ATP4B: variants seen among roughly 807,000 people sequenced by gnomAD.
ATP4B encodes the protein potassium-transporting ATPase subunit beta.
In ATP4B, 27 loss-of-function variants were observed where a neutral mutation model predicts 35.3. The observed-to-expected ratio is 0.76, with a 90% CI of 0.56 to 1.05. The LOEUF (loss-of-function observed/expected upper bound fraction) is 1.05. ATP4B is among the 50% of genes least tolerant of loss of function. The pLI, the probability that ATP4B is intolerant of heterozygous loss-of-function variation, is 0.00. For synonymous variants in ATP4B, 162 were observed against 156.0 expected (o/e 1.04, Z -0.29); for missense variants, 375 against 384.8 (o/e 0.97, Z 0.21).
At chr13:113,654,443 A>G (rs1594563423) in intron 2 of ATP4B, among the ~76,000 whole-genome samples, 2 of 152,252 alleles carry the variant, frequency 1.3e-5, no homozygotes. Flanking sequence ...GCGTCCTTGC[A>G]GAAACATTCC....
intron 1 of ATP4B, among the ~76,000 whole-genome samples, chr13:113,657,299 C>G (rs180919171): frequency 1.3e-5 from 2 of 152,200 alleles, no homozygotes; most frequent in Admixed American, 1.3e-4. Flanking sequence ...AGCCGCATCC[C>G]GACGCCCAGG....
intron 2 of ATP4B, 90 bp from the exon 3 acceptor site, chr13:113,653,524 C>CGGTG: frequency 1.7e-6 from 2 of 1,185,644 alleles, no homozygotes; most frequent in Non-Finnish European, 2.5e-6. Context: ...ACGCCAGAGG[C>CGGTG]GGTGGCCCAA....
Position 113,653,459 on chromosome 13 carries a change from A to G in ATP4B, c.242-25T>C, listed in dbSNP as rs771565671. The G allele has an allele frequency of 3.8e-6, 6 of 1,595,430 alleles. No homozygotes were observed. The African/African-American group carries it at 8.1e-5, about 21-fold the overall frequency. Reference sequence around the variant, plus strand: ...CCTGGAGAGAGAGACCTTTGTGCTTAGCGTCTCCAAATGCTCACCACATTT... The same window carrying G: ...CCTGGAGAGAGAGACCTTTGTGCTTGGCGTCTCCAAATGCTCACCACATTT... On this transcript the variant is annotated intron_variant, in intron 2 of 6. Coordinates refer to ENST00000335288, the MANE Select transcript of ATP4B (RefSeq NM_000705.4).
intron 2 of ATP4B, 118 bp downstream of exon 2, chr13:113,654,696 G>C: frequency 6.9e-7 from 1 of 1,443,666 alleles, no homozygotes. Flanking sequence ...GGGCTGCCGG[G>C]CTGGCTTCCC....
chr13:113,653,234 CA>C, intron 3 of ATP4B, 86 bp downstream of exon 3: 2 of 1,359,472 alleles, frequency 1.5e-6, no homozygotes, highest in Non-Finnish European at 1.0e-6. Context: ...ACACCTCACC[CA>C]CCCGCCGCTT....
Position 113,651,685 on chromosome 13 carries a change from C to T in ATP4B, c.598G>A (p.Asp200Asn), listed in dbSNP as rs1466167200. ...LPSNGSAPRVDCAFLDQPREL... is the reference protein window; with the variant it reads ...LPSNGSAPRVNCAFLDQPREL... ...GCCGTACTCACCAGGAAGGCGCAGT[C>T]CACTCTGGGGGCCGAGCCGTTGCTG... The change falls in exon 5 of 7, where the codon GAC becomes AAC. Residue 200 changes from aspartate (D) to asparagine (N), a missense_variant. Physicochemically the swap from Asp to Asn is conservative, Grantham distance 23. Coordinates refer to ENST00000335288, the MANE Select transcript of ATP4B (RefSeq NM_000705.4). 1 of 1,613,350 alleles carries T rather than the reference C, an allele frequency of 6.2e-7. No individual in the cohort carries two copies. The highest frequency in any genetic ancestry group is 8.5e-7 in the Non-Finnish European group (1 of 1,179,748).
chr13:113,658,027 A>C lies in ATP4B; in HGVS notation c.112+6T>G. ...TGCACCCAGCCGGCCCGCCCCCCGCACGTACCCCACCGGGACAGGGTGCGG... is the reference window on the plus strand; with the variant it reads ...TGCACCCAGCCGGCCCGCCCCCCGCCCGTACCCCACCGGGACAGGGTGCGG... On this transcript the variant is annotated splice_donor_region_variant and intron_variant, in intron 1 of 6. Coordinates refer to ENST00000335288, the MANE Select transcript of ATP4B (RefSeq NM_000705.4). 6.3e-7 allele frequency: 1 copy of C among 1,593,882 alleles called. No homozygotes were observed. Among genetic ancestry groups the C allele is most frequent in the Non-Finnish European group, 8.5e-7 (1 of 1,172,260 alleles).
In ATP4B at chr13:113,649,121, C is replaced by A; in HGVS notation, c.*253G>T. ...ATTAGAGAGTTGCTGCCTTGCGTTC[C>A]CATGGTAGCTGGACATTCTTATAGC... On this transcript the variant is annotated 3_prime_UTR_variant, in exon 7 of 7. Coordinates refer to ENST00000335288, the MANE Select transcript of ATP4B (RefSeq NM_000705.4). The surrounding 1 kb of genome is among the most constrained non-coding windows in gnomAD (Gnocchi z 4.7). 3.0e-6 allele frequency: 1 copy of A among 332,100 alleles called. No individual in the cohort carries two copies. Among genetic ancestry groups the A allele is most frequent in the Non-Finnish European group, 5.5e-6 (1 of 180,502 alleles). The allele number at this position is 332,100 out of a possible 1,614,324, so 20.6% of individuals were successfully genotyped here.
chr13:113,654,842 C>T lies in ATP4B; in HGVS notation c.213G>A (p.Pro71=), dbSNP rs759675895. The change falls in exon 2 of 7, where the codon CCG becomes CCA. Residue 71 remains proline, a synonymous_variant. Transcript: ENST00000335288. ...VLMQTVDPYT[P]DYQDQLRSPG... ...GTGACCGTAGCTGGTCTTGGTAGTC[C>T]GGTGTGTACGGGTCCACTGTCTGCA... 1.9e-5 allele frequency: 31 copies of T among 1,613,992 alleles called. No individual in the cohort carries two copies. Among genetic ancestry groups the T allele is most frequent in the Middle Eastern group, 1.6e-4 (1 of 6,062 alleles).
At chr13:113,657,458 T>C (rs983997046) in intron 1 of ATP4B, among the ~76,000 whole-genome samples, 6 of 152,190 alleles carry the variant, frequency 3.9e-5, no homozygotes, top group Non-Finnish European at 7.4e-5. Context: ...GGCATCTGCT[T>C]TCCTCCCAGG....
At chr13:113,656,137 G>A (rs1475048737) in intron 1 of ATP4B, among the ~76,000 whole-genome samples, 1 of 152,308 alleles carries the variant, frequency 6.6e-6, no homozygotes, top group East Asian at 1.9e-4. Context: ...GGGGCCCGCA[G>A]TGGTGGAGGG....
At chr13:113,656,481 G>A (rs1411828152) in intron 1 of ATP4B, among the ~76,000 whole-genome samples, 2 of 152,166 alleles carry the variant, frequency 1.3e-5, no homozygotes, top group East Asian at 1.9e-4. Flanking sequence ...GCCCAGGCTC[G>A]GGAGGGCCAT....
At chr13:113,654,422 C>A (rs545714949) in intron 2 of ATP4B, among the ~76,000 whole-genome samples, 1 of 152,208 alleles carries the variant, frequency 6.6e-6, no homozygotes, top group Non-Finnish European at 1.5e-5. Flanking sequence ...TCCTTGGAAA[C>A]TGTTTCCTGT....
rs1291981158 is a variant in ATP4B at position 113,649,920 on chromosome 13, T to C, written c.715-385A>G. ...GCTCATGCCTGTAATCCTAGCACTT[T>C]GGGAGCCTGAGGCAGGCTGATTGCT... On this transcript the variant is annotated intron_variant, in intron 6 of 6. Coordinates refer to ENST00000335288, the MANE Select transcript of ATP4B (RefSeq NM_000705.4). This position sits in a 1 kb window ranked among gnomAD's most constrained non-coding sequence, Gnocchi z 4.7. 1.3e-5 allele frequency among the ~76,000 whole-genome samples: 2 copies of C among 152,266 alleles called. No homozygotes were observed. Among genetic ancestry groups the C allele is most frequent in the East Asian group, 1.9e-4 (1 of 5,180 alleles).
Position 113,650,583 on chromosome 13 carries a change from G to C in ATP4B, c.613-76C>G. ...GTGTCTGTGTGTTGCGTTTGTGTGC[G>C]TGTGTGCACACACGCGCTGTGTAGG... On this transcript the variant is annotated intron_variant, in intron 5 of 6. Transcript: ENST00000335288. This position sits in a 1 kb window ranked among gnomAD's most constrained non-coding sequence, Gnocchi z 5.0. 8.6e-7 allele frequency: 1 copy of C among 1,168,288 alleles called. No homozygotes were observed. The highest frequency in any genetic ancestry group is 1.2e-6 in the Non-Finnish European group (1 of 810,604). The allele number at this position is 1,168,288 out of a possible 1,614,324, so 72.4% of individuals were successfully genotyped here.
rs570827420 is a variant in ATP4B at position 113,650,298 on chromosome 13, A to T, written c.714+108T>A. The T allele has an allele frequency of 3.6e-5, 39 of 1,092,568 alleles. No individual in the cohort carries two copies. In the East Asian group the frequency reaches 1.0e-3, roughly 28 times the overall value. 67.7% of individuals were successfully genotyped at this position (1,092,568 alleles called of 1,614,324 possible). ...CGTTCCAGTCAGGACCGGCTAAGTC[A>T]CACCTTTGTTTCATTTTTCTACATG... On this transcript the variant is annotated intron_variant, in intron 6 of 6. Transcript: ENST00000335288. This position sits in a 1 kb window ranked among gnomAD's most constrained non-coding sequence, Gnocchi z 5.0.
In ATP4B at chr13:113,655,376, A is replaced by T. The variant is rs192793319; in HGVS notation, c.113-434T>A. On this transcript the variant is annotated intron_variant, in intron 1 of 6. Coordinates refer to ENST00000335288, the MANE Select transcript of ATP4B (RefSeq NM_000705.4). ...TCCTGCCCATGGTGACCCATAGTGCAGCCTGGAAGTGCATGGCCGGTCCTG... is the reference window on the plus strand; with the variant it reads ...TCCTGCCCATGGTGACCCATAGTGCTGCCTGGAAGTGCATGGCCGGTCCTG... 2.0e-5 allele frequency among the ~76,000 whole-genome samples: 3 copies of T among 152,358 alleles called. No individual in the cohort carries two copies. In the East Asian group the frequency reaches 5.8e-4, roughly 29 times the overall value.
At position 113,650,598 on chromosome 13, in the gene ATP4B, C is replaced by T. The variant is rs543481796; in HGVS notation, c.613-91G>A. On this transcript the variant is annotated intron_variant, in intron 5 of 6. Transcript: ENST00000335288. This position sits in a 1 kb window ranked among gnomAD's most constrained non-coding sequence, Gnocchi z 5.0. ...GTTTGTGTGCGTGTGTGCACACACG[C>T]GCTGTGTAGGTGCTTGCATAAACAC... 8.0e-5 allele frequency: 78 copies of T among 975,930 alleles called. No individual in the cohort carries two copies. Among genetic ancestry groups the T allele is most frequent in the South Asian group, 4.5e-4 (29 of 64,562 alleles). 60.5% of individuals were successfully genotyped at this position (975,930 alleles called of 1,614,324 possible).
intron 1 of ATP4B, among the ~76,000 whole-genome samples, chr13:113,657,262 C>T (rs764533775): frequency 8.5e-5 from 13 of 152,298 alleles, no homozygotes; most frequent in South Asian, 2.1e-4. Flanking sequence ...CCCTGGGAGC[C>T]GGGGACGGCA....
Sources: allele counts gnomAD v4.1 joint callset (sites outside exome capture counted in the v4.1 genomes callset), GRCh38; gene constraint gnomAD v4.1.1; non-coding constraint Gnocchi (gnomAD v3.1); transcripts MANE v1.5; gene names NCBI Gene and HGNC (gene_info 2026-07-23, HGNC 2026-07-21).